The following MYH10 variants were observed in gnomAD, a reference collection of about 807,000 sequenced individuals.
MYH10 encodes myosin heavy chain 10.
MYH10 carries 55 observed loss-of-function variants against 257.8 expected under a neutral mutation model. The ratio of observed to expected loss-of-function variants is 0.21; its 90% CI spans 0.17 to 0.27. The LOEUF is 0.27. Ranked by LOEUF, MYH10 falls within the 10% of genes least tolerant of loss-of-function variation. The pLI is 1.00. For synonymous variants in MYH10, 854 were observed against 921.7 expected, an observed-to-expected ratio of 0.93 and a Z score of 1.33; for missense variants, 1,631 against 2,500.6, an observed-to-expected ratio of 0.65 and a Z score of 7.42.
At chr17:8,575,551 G>A in intron 6 of MYH10, among the ~76,000 whole-genome samples, 1 of 150,188 alleles carries the variant, frequency 6.7e-6, no homozygotes, top group East Asian at 1.9e-4. Context: ...GCCTTCATAG[G>A]TACAGTACAG....
chr17:8,492,955 T>G lies in MYH10; in HGVS notation c.4279A>C (p.Lys1427Gln), dbSNP rs199854858. 66 of 1,614,074 alleles carry G rather than the reference T, an allele frequency of 4.1e-5. No individual in the cohort carries two copies. Among genetic ancestry groups the G allele is most frequent in the East Asian group, 4.5e-5 (2 of 44,900 alleles). Residue 1427 changes from lysine (K) to glutamine (Q), a missense_variant, in exon 33 of 43, where the codon AAG becomes CAG. Lys to Gln is a moderately conservative substitution (Grantham distance 53). Transcript: ENST00000360416. ...AGGGCCTCCGCGTCCTTCAGAAGCT[T>G]CTTCTTGGCTTCTTCCAGACTTTCA... ...TIESLEEAKK[K>Q]LLKDAEALSQ...
At chr17:8,623,661 G>A (rs1254398674) in intron 1 of MYH10, among the ~76,000 whole-genome samples, 1 of 151,066 alleles carries the variant, frequency 6.6e-6, no homozygotes, top group Non-Finnish European at 1.5e-5. Context: ...TTCATGAAGT[G>A]GTACCAGAAT....
chr17:8,551,885 T>C (rs2082654583), intron 9 of MYH10, among the ~76,000 whole-genome samples, 161 bp downstream of exon 9: 1 of 152,150 alleles, frequency 6.6e-6, no homozygotes, highest in Non-Finnish European at 1.5e-5. Flanking sequence ...ACTTACCCCA[T>C]GGCATGGAAG....
chr17:8,607,593 T>C (rs2084859356), intron 2 of MYH10, among the ~76,000 whole-genome samples: 1 of 152,238 alleles, frequency 6.6e-6, no homozygotes, highest in Non-Finnish European at 1.5e-5. Context: ...TGAGCTCTTG[T>C]ATAAACTGAT....
chr17:8,545,205 G>A lies in MYH10; in HGVS notation c.1431+243C>T, dbSNP rs568407251. ...AGTAAGCCTAACTGTTGCCAATGCAGAAGCAACCTTCCCTGAACAGCTATC... is the reference window on the plus strand; with the variant it reads ...AGTAAGCCTAACTGTTGCCAATGCAAAAGCAACCTTCCCTGAACAGCTATC... On this transcript the variant is annotated intron_variant, in intron 13 of 42. Transcript: ENST00000360416. This position sits in a 1 kb window ranked among gnomAD's most constrained non-coding sequence, Gnocchi z 4.7. Among the ~76,000 whole-genome samples the A allele has an allele frequency of 3.3e-5, 5 of 152,348 alleles. No homozygotes were observed. The South Asian group carries it at 1.0e-3, about 32-fold the overall frequency.
intron 2 of MYH10, among the ~76,000 whole-genome samples, chr17:8,607,990 A>G (rs933638024): frequency 6.6e-6 from 1 of 152,184 alleles, no homozygotes; most frequent in Non-Finnish European, 1.5e-5. Context: ...ATGGGGTCAA[A>G]AGGAGAGATA....
Position 8,605,065 on chromosome 17 carries a change from G to C in MYH10, c.346-83C>G, listed in dbSNP as rs1597954897. 11 of 706,968 alleles carry C rather than the reference G, an allele frequency of 1.6e-5. No individual in the cohort carries two copies. The East Asian group carries it at 3.5e-4, about 23-fold the overall frequency. 43.8% of individuals were successfully genotyped at this position (706,968 alleles called of 1,614,324 possible). On this transcript the variant is annotated intron_variant, in intron 2 of 42. Transcript: ENST00000360416. ...GTCCAATCAGGAGACAGAAACCAAA[G>C]AGTCATTTAAGCAGGAGATCTTTAC...
intron 38 of MYH10, among the ~76,000 whole-genome samples, 177 bp downstream of exon 38, chr17:8,481,145 A>C (rs4239095): frequency 4.1e-4 from 1 of 2,410 alleles, no homozygotes; most frequent in African/African-American, 5.9e-4. Flanking sequence ...CACGGCTCCC[A>C]CCTGCGGTGT....
intron 7 of MYH10, among the ~76,000 whole-genome samples, chr17:8,559,057 C>G (rs1324353987): frequency 6.6e-6 from 1 of 152,140 alleles, no homozygotes. Context: ...AGAATGACCA[C>G]CTGGATGCTA....
chr17:8,510,389 G>T (rs577927103), intron 24 of MYH10, among the ~76,000 whole-genome samples: 1 of 152,232 alleles, frequency 6.6e-6, no homozygotes, highest in Non-Finnish European at 1.5e-5. Flanking sequence ...TCCGCTACAG[G>T]CTAAAGTACA....
At chr17:8,627,483 C>T (rs775846315) in intron 1 of MYH10, among the ~76,000 whole-genome samples, 21 of 152,196 alleles carry the variant, frequency 1.4e-4, no homozygotes, top group Non-Finnish European at 2.2e-4. Flanking sequence ...ACATTTTGTA[C>T]TGTTCTCCTG....
At chr17:8,620,311 TG>T (rs1275299665) in intron 2 of MYH10, among the ~76,000 whole-genome samples, 2 of 152,180 alleles carry the variant, frequency 1.3e-5, no homozygotes, top group African/African-American at 4.8e-5. Context: ...CACTTTTAAA[TG>T]GTTCACTAAA....
chr17:8,580,385 T>A (rs1020978663), intron 4 of MYH10, among the ~76,000 whole-genome samples: 1 of 151,628 alleles, frequency 6.6e-6, no homozygotes, highest in African/African-American at 2.4e-5. Context: ...TTAAGTGGTA[T>A]CAATATTCAT....
chr17:8,537,109 A>C (rs1157446988), intron 14 of MYH10, among the ~76,000 whole-genome samples: 9 of 152,220 alleles, frequency 5.9e-5, no homozygotes, highest in Non-Finnish European at 2.9e-5. Flanking sequence ...TGACACATGA[A>C]AGCTAAATAA....
At chr17:8,532,221 G>C (rs571911888) in intron 16 of MYH10, among the ~76,000 whole-genome samples, 2 of 152,348 alleles carry the variant, frequency 1.3e-5, no homozygotes, top group African/African-American at 4.8e-5. Context: ...ACCTGGGGTA[G>C]ATAAGATATC....
chr17:8,559,653 T>C (rs2082921181), intron 7 of MYH10, among the ~76,000 whole-genome samples: 1 of 152,180 alleles, frequency 6.6e-6, no homozygotes, highest in South Asian at 2.1e-4. Flanking sequence ...CCATATGTAA[T>C]TACAAGAGAG....
chr17:8,607,164 C>T (rs868175598), intron 2 of MYH10, among the ~76,000 whole-genome samples: 3 of 152,172 alleles, frequency 2.0e-5, no homozygotes, highest in African/African-American at 7.2e-5. Context: ...ACCACCCTCA[C>T]TTTTTCATTC....
chr17:8,510,230 G>C (rs957651095), intron 24 of MYH10, among the ~76,000 whole-genome samples: 7 of 151,654 alleles, frequency 4.6e-5, no homozygotes, highest in African/African-American at 1.7e-4. Flanking sequence ...TTTTGGTAGA[G>C]ATGGGGTTTC....
At chr17:8,523,616 A>C (rs1393852072) in intron 17 of MYH10, among the ~76,000 whole-genome samples, 1 of 152,142 alleles carries the variant, frequency 6.6e-6, no homozygotes, top group Non-Finnish European at 1.5e-5. Context: ...TGACACTCGC[A>C]CTGGCTGCTG....
Sources: allele counts gnomAD v4.1 joint callset (sites outside exome capture counted in the v4.1 genomes callset), GRCh38; gene constraint gnomAD v4.1.1; non-coding constraint Gnocchi (gnomAD v3.1); transcripts MANE v1.5; gene names NCBI Gene and HGNC (gene_info 2026-07-23, HGNC 2026-07-21).